Variants in PPP2R1B observed in about 807,000 individuals in gnomAD.
The protein encoded by PPP2R1B is serine/threonine-protein phosphatase 2A 65 kDa regulatory subunit A beta isoform.
A neutral mutation model predicts 72.7 loss-of-function variants in PPP2R1B; 58 were observed. The observed-to-expected ratio is 0.80, with a 90% confidence interval of 0.65 to 0.99. PPP2R1B has a LOEUF of 0.99. Among genes scored for constraint, PPP2R1B ranks in the 50% least tolerant of loss-of-function variants. The probability of loss-of-function intolerance (pLI) is 0.00; values close to 1 mark genes in which losing one functional copy is unlikely to be tolerated. For synonymous variants in PPP2R1B, 256 were observed against 264.6 expected (o/e 0.97, Z 0.32); for missense variants, 695 against 733.6 (o/e 0.95, Z 0.61).
chr11:111,735,895 A>G (rs1317733858), downstream of PPP2R1B, among the ~76,000 whole-genome samples: 2 of 152,214 alleles, frequency 1.3e-5, no homozygotes, highest in Non-Finnish European at 2.9e-5. Context: ...GGCCCCTGAC[A>G]CACAGGGCTC....
chr11:111,701,327 A>T, the PPP2R1B span: 6 of 1,307,884 alleles, frequency 4.6e-6, no homozygotes, highest in Non-Finnish European at 6.2e-6. The surrounding 1 kb of genome is among the most constrained non-coding windows in gnomAD (Gnocchi z 4.2). Context: ...AAATTCTGAG[A>T]AAATAATAAA....
chr11:111,706,959 CAAAAAAAAAA>C, the PPP2R1B span, among the ~76,000 whole-genome samples: 1 of 52,084 alleles, frequency 1.9e-5, no homozygotes, highest in Admixed American at 2.0e-4. Context: ...GACTCCGTCT[CAAAAAAAAAA>C]AAAAAAAAAA....
At chr11:111,723,997 C>T (rs1565400346), downstream of PPP2R1B, 1 of 1,614,190 alleles carries the variant, frequency 6.2e-7, no homozygotes. Flanking sequence ...CAGACTGTCC[C>T]AGAAGCCCAG....
At chr11:111,755,717 G>A (rs777125814) in intron 5 of PPP2R1B, among the ~76,000 whole-genome samples, 1 of 151,486 alleles carries the variant, frequency 6.6e-6, no homozygotes, top group Non-Finnish European at 1.5e-5. Context: ...AGCCTCCCGA[G>A]TAGCTGGGAT....
downstream of PPP2R1B, among the ~76,000 whole-genome samples, chr11:111,735,680 C>T (rs1014169995): frequency 6.6e-6 from 1 of 152,244 alleles, no homozygotes; most frequent in Admixed American, 6.5e-5. Context: ...AAGTGGCGGG[C>T]CCAGCCCCAG....
chr11:111,725,019 T>C (rs79669376), downstream of PPP2R1B: 1,623 of 152,722 alleles, frequency 0.011, 15 homozygotes, highest in Non-Finnish European at 0.016. Flanking sequence ...CTGTTGTCTC[T>C]TTTCCGATGT....
At chr11:111,728,123 C>T (rs933415126) in intron 15 of PPP2R1B, 3 of 152,180 alleles carry the variant, frequency 2.0e-5, no homozygotes, top group Non-Finnish European at 2.9e-5. Flanking sequence ...TACACTCAAA[C>T]TCCTAAACTG....
chr11:111,730,686 C>T (rs1489187292), intron 15 of PPP2R1B: 2 of 151,234 alleles, frequency 1.3e-5, no homozygotes, highest in Non-Finnish European at 2.9e-5. Context: ...AAAAAAAAAT[C>T]AAAAGTATAA....
chr11:111,745,398 T>C (rs879410164), intron 11 of PPP2R1B, among the ~76,000 whole-genome samples: 109 of 152,190 alleles, frequency 7.2e-4, no homozygotes, highest in Admixed American at 3.2e-3. Context: ...CATAATGCCA[T>C]TACCATAGGA....
At chr11:111,722,403 G>A (rs952518804), downstream of PPP2R1B, among the ~76,000 whole-genome samples, 4 of 152,236 alleles carry the variant, frequency 2.6e-5, no homozygotes, top group African/African-American at 9.6e-5. This position sits in a 1 kb window ranked among gnomAD's most constrained non-coding sequence, Gnocchi z 4.4. Flanking sequence ...CTTTCTCATT[G>A]CTTTTTAATG....
chr11:111,759,733 C>A (rs1945254886), intron 5 of PPP2R1B, 71 bp downstream of exon 5: 2 of 1,472,280 alleles, frequency 1.4e-6, no homozygotes, highest in South Asian at 1.5e-5. Context: ...ACTAAAACTC[C>A]CCAAAGAAAT....
rs782149458 is a variant in PPP2R1B, at chr11:111,754,504, T to C, written c.1024A>G (p.Ile342Val). ...CAAAATAAAGTCAGGTTTACCTTTA[T>C]ATAAGGCAGAATTTGATTCATAATT... ...TIIMNQILPY[I>V]KELVSDTNQH... Residue 342 changes from isoleucine (I) to valine (V), a missense_variant, in exon 8 of 15, where the codon ATA becomes GTA. Transcript: ENST00000527614. The C allele has an allele frequency of 5.6e-6, 9 of 1,603,106 alleles. No homozygotes were observed. The highest frequency in any genetic ancestry group is 2.7e-5 in the African/African-American group (2 of 74,232).
intron 10 of PPP2R1B, among the ~76,000 whole-genome samples, chr11:111,749,629 G>A (rs1303457336): frequency 1.3e-5 from 2 of 151,920 alleles, no homozygotes; most frequent in Non-Finnish European, 1.5e-5. Flanking sequence ...ACTTAACATC[G>A]TCCACAAGCC....
the PPP2R1B span, among the ~76,000 whole-genome samples, chr11:111,692,228 G>C: frequency 5.3e-5 from 8 of 151,852 alleles, no homozygotes; most frequent in African/African-American, 1.4e-4. Flanking sequence ...GCATGCGCCT[G>C]TAGTCCCAGC....
intron 11 of PPP2R1B, 108 bp downstream of exon 11, chr11:111,747,846 T>G (rs1944758920): frequency 2.0e-6 from 2 of 1,022,096 alleles, no homozygotes; most frequent in Admixed American, 2.8e-5. Flanking sequence ...TCTTCATTCC[T>G]ACAATATTAA....
the PPP2R1B span, chr11:111,688,216 G>A: frequency 6.3e-7 from 1 of 1,593,174 alleles, no homozygotes; most frequent in Admixed American, 1.7e-5. The surrounding 1 kb of genome is among the most constrained non-coding windows in gnomAD (Gnocchi z 4.2). Context: ...ACTGCACTCA[G>A]TGTGTGGAAA....
chr11:111,703,182 G>T, the PPP2R1B span: 2 of 1,610,216 alleles, frequency 1.2e-6, no homozygotes, highest in Non-Finnish European at 1.7e-6. Flanking sequence ...TGTGACTTTT[G>T]TAACATTGTG....
downstream of PPP2R1B, among the ~76,000 whole-genome samples, chr11:111,722,467 G>GT (rs145262921): frequency 7.4e-3 from 1,135 of 152,356 alleles, 8 homozygotes; most frequent in Middle Eastern, 0.061. This position sits in a 1 kb window ranked among gnomAD's most constrained non-coding sequence, Gnocchi z 4.4. Context: ...GAAAAAGGAA[G>GT]TAGGTGAGGT....
At chr11:111,728,454 A>G (rs1944051384) in intron 15 of PPP2R1B, 1 of 152,174 alleles carries the variant, frequency 6.6e-6, no homozygotes, top group Admixed American at 6.5e-5. Flanking sequence ...GCATCCAGCT[A>G]GTTTGTATAT....
Sources: allele counts gnomAD v4.1 joint callset (sites outside exome capture counted in the v4.1 genomes callset), GRCh38; gene constraint gnomAD v4.1.1; non-coding constraint Gnocchi (gnomAD v3.1); transcripts MANE v1.5; gene names NCBI Gene and HGNC (gene_info 2026-07-23, HGNC 2026-07-21).